PTPRG: variants seen among roughly 807,000 people sequenced by gnomAD.
The protein encoded by PTPRG is protein tyrosine phosphatase receptor type G, also known as receptor-type tyrosine-protein phosphatase gamma.
In PTPRG, 102 loss-of-function variants were observed where a neutral mutation model predicts 165.3. The ratio of observed to expected loss-of-function variants is 0.62; its 90% CI spans 0.53 to 0.73. PTPRG has a LOEUF of 0.73. PTPRG is among the 30% of genes least tolerant of loss of function. The pLI is 0.00. For missense variants in PTPRG, 1,866 were observed against 1,861.4 expected (o/e 1.00, Z -0.05); for synonymous variants, 675 against 669.5 (o/e 1.01, Z -0.13).
intron 5 of PTPRG, among the ~76,000 whole-genome samples, chr3:62,093,955 T>C (rs1437642648): frequency 6.6e-6 from 1 of 152,186 alleles, no homozygotes; most frequent in Non-Finnish European, 1.5e-5. Context: ...GTTCTTACCT[T>C]CTCTCTTCCT....
chr3:61,710,150 T>C (rs917450796), intron 1 of PTPRG, among the ~76,000 whole-genome samples: 2 of 152,206 alleles, frequency 1.3e-5, no homozygotes, highest in African/African-American at 4.8e-5. Flanking sequence ...GGAAAACTTT[T>C]GTTTTGATGA....
Position 61,941,926 on chromosome 3 carries a change from C to T in PTPRG, c.191-47699C>T, listed in dbSNP as rs535857778. Among the ~76,000 whole-genome samples, 15 of 151,578 alleles carry T rather than the reference C, an allele frequency of 9.9e-5. No homozygotes were observed. In the South Asian group the frequency reaches 1.5e-3, roughly 15 times the overall value. On this transcript the variant is annotated intron_variant, in intron 2 of 29. Transcript: ENST00000474889. ...GTAATCCCAATACTTTGGAAGGTCGCGGCGGGTGGATTACCTGAGGTCAGG... is the reference window on the plus strand; with the variant it reads ...GTAATCCCAATACTTTGGAAGGTCGTGGCGGGTGGATTACCTGAGGTCAGG...
intron 1 of PTPRG, among the ~76,000 whole-genome samples, chr3:61,569,066 G>A (rs1699995341): frequency 6.6e-6 from 1 of 152,176 alleles, no homozygotes; most frequent in Admixed American, 6.5e-5. Context: ...GGGGATGGAG[G>A]TAACTTACAC....
intron 4 of PTPRG, among the ~76,000 whole-genome samples, chr3:62,060,552 A>G (rs1025416649): frequency 1.3e-5 from 2 of 152,222 alleles, no homozygotes; most frequent in East Asian, 1.9e-4. Context: ...ACTTACAGCT[A>G]TGCACTGTTC....
At chr3:62,111,395 T>A (rs1397059116) in intron 5 of PTPRG, among the ~76,000 whole-genome samples, 1 of 152,224 alleles carries the variant, frequency 6.6e-6, no homozygotes, top group Non-Finnish European at 1.5e-5. Context: ...AGACTGACAG[T>A]GTGCTTTAAC....
intron 2 of PTPRG, among the ~76,000 whole-genome samples, chr3:61,801,894 G>A (rs575709442): frequency 2.0e-5 from 3 of 152,120 alleles, no homozygotes; most frequent in East Asian, 1.9e-4. Flanking sequence ...CCGTGGTGGC[G>A]TGCGCCTGTA....
rs374211035 is a variant in PTPRG, at chr3:62,133,907, C to A, written c.682+1239C>A. Among the ~76,000 whole-genome samples, 4 of 151,898 alleles carry A rather than the reference C, an allele frequency of 2.6e-5. No homozygotes were observed. In the South Asian group the frequency reaches 8.3e-4, roughly 32 times the overall value. On this transcript the variant is annotated intron_variant, in intron 6 of 29. Transcript: ENST00000474889. ...CTGAGGCAGGAGAATCACTTGAATC[C>A]GGGAGGCGGAGGTTGCAGTGAGCCA...
intron 5 of PTPRG, among the ~76,000 whole-genome samples, chr3:62,099,784 G>A (rs997116990): frequency 1.8e-4 from 26 of 140,826 alleles, no homozygotes; most frequent in African/African-American, 6.1e-4. Context: ...TAGTACTTAA[G>A]TGTTAAATCT....
intron 1 of PTPRG, among the ~76,000 whole-genome samples, chr3:61,617,627 A>G (rs1427873949): frequency 6.6e-6 from 1 of 152,228 alleles, no homozygotes; most frequent in Non-Finnish European, 1.5e-5. Flanking sequence ...TATTGTTTAC[A>G]GCTTTCAACC....
intron 2 of PTPRG, among the ~76,000 whole-genome samples, chr3:61,818,470 TATA>T (rs2035854010): frequency 6.6e-6 from 1 of 152,008 alleles, no homozygotes; most frequent in East Asian, 1.9e-4. Context: ...CAAAGAGAAA[TATA>T]ATAATGAAAA....
At chr3:61,570,863 G>A (rs780881067) in intron 1 of PTPRG, among the ~76,000 whole-genome samples, 12 of 152,138 alleles carry the variant, frequency 7.9e-5, no homozygotes, top group Non-Finnish European at 1.2e-4. Context: ...TTTCTCTTCA[G>A]TAAGTGTGGA....
At chr3:61,907,856 C>T (rs111993132) in intron 2 of PTPRG, among the ~76,000 whole-genome samples, 254 of 152,018 alleles carry the variant, frequency 1.7e-3, no homozygotes, top group African/African-American at 5.7e-3. Context: ...CTGGATGCAG[C>T]GGCTCATACC....
At position 62,293,332 on chromosome 3, in the gene PTPRG, T is replaced by C. The variant is rs373489706; in HGVS notation, c.*25T>C. On this transcript the variant is annotated 3_prime_UTR_variant, in exon 30 of 30. Coordinates refer to ENST00000474889, the MANE Select transcript of PTPRG (RefSeq NM_002841.4). ...ACTGGAATCCTGAAAGGGCACTTAA[T>C]TTGTAAACTTCTGAAGACTGAGAAC... 1.3e-6 allele frequency: 2 copies of C among 1,525,568 alleles called. No individual in the cohort carries two copies. Among genetic ancestry groups the C allele is most frequent in the Middle Eastern group, 1.8e-4 (1 of 5,694 alleles). 94.5% of individuals were successfully genotyped at this position (1,525,568 alleles called of 1,614,324 possible). A position where few individuals can be genotyped will look rare whatever the true frequency, so the allele number is the denominator to read the frequency against.
At chr3:61,879,286 C>T (rs958011575) in intron 2 of PTPRG, among the ~76,000 whole-genome samples, 2 of 152,134 alleles carry the variant, frequency 1.3e-5, no homozygotes, top group Admixed American at 6.5e-5. Flanking sequence ...TTTTTCTCTG[C>T]GTCCTCACGA....
intron 2 of PTPRG, among the ~76,000 whole-genome samples, chr3:61,974,030 A>G (rs907044399): frequency 2.7e-4 from 41 of 152,178 alleles, no homozygotes; most frequent in African/African-American, 8.4e-4. Flanking sequence ...AGAACTGTGG[A>G]ACCAACACCA....
chr3:61,906,866 G>C (rs1359718116), intron 2 of PTPRG, among the ~76,000 whole-genome samples: 1 of 152,000 alleles, frequency 6.6e-6, no homozygotes, highest in Non-Finnish European at 1.5e-5. Context: ...ATATATCTGA[G>C]TTAGATTTTT....
intron 1 of PTPRG, among the ~76,000 whole-genome samples, chr3:61,564,850 C>G (rs1351148311): frequency 3.9e-5 from 6 of 152,176 alleles, no homozygotes; most frequent in Non-Finnish European, 7.3e-5. Flanking sequence ...CGCGCCTTGG[C>G]GCGAGGCGGC....
chr3:61,801,587 A>G (rs1306270492), intron 2 of PTPRG, among the ~76,000 whole-genome samples: 2 of 152,060 alleles, frequency 1.3e-5, no homozygotes, highest in African/African-American at 4.8e-5. Context: ...CTTGTGTCAT[A>G]ATGGAAAAAA....
intron 14 of PTPRG, 44 bp downstream of exon 14, chr3:62,231,355 G>C: frequency 6.8e-7 from 1 of 1,472,468 alleles, no homozygotes; most frequent in Non-Finnish European, 9.1e-7. Context: ...TTGATGGCCG[G>C]GACTGGCTTG....
Sources: allele counts gnomAD v4.1 joint callset (sites outside exome capture counted in the v4.1 genomes callset), GRCh38; gene constraint gnomAD v4.1.1; transcripts MANE v1.5; gene names NCBI Gene and HGNC (gene_info 2026-07-23, HGNC 2026-07-21).